The following STYXL1 variants were observed in gnomAD, a reference collection of about 807,000 sequenced individuals.
STYXL1 encodes the protein serine/threonine/tyrosine-interacting-like protein 1.
A neutral mutation model predicts 36.4 loss-of-function variants in STYXL1; 32 were observed. That is an observed-to-expected ratio of 0.88 (90% confidence interval 0.66 to 1.18). The LOEUF (loss-of-function observed/expected upper bound fraction) is 1.18, where lower values mean the gene tolerates loss of function less well. Among genes scored for constraint, STYXL1 ranks in the 50% most tolerant of loss-of-function variants. The pLI, the probability that STYXL1 is intolerant of heterozygous loss-of-function variation, is 0.00. For synonymous variants in STYXL1, 133 were observed against 144.1 expected, an observed-to-expected ratio of 0.92 and a Z score of 0.55; for missense variants, 354 against 394.1, an observed-to-expected ratio of 0.90 and a Z score of 0.86.
chr7:76,031,161 A>AAATAAT (rs200880666), intron 1 of STYXL1, among the ~76,000 whole-genome samples: 1 of 141,960 alleles, frequency 7.0e-6, no homozygotes, highest in Non-Finnish European at 1.5e-5. Flanking sequence ...ACTCTGTCTA[A>AAATAAT]AATAATAATA....
chr7:76,028,014 G>A (rs1033477863), intron 3 of STYXL1, among the ~76,000 whole-genome samples: 6 of 152,134 alleles, frequency 3.9e-5, no homozygotes, highest in East Asian at 1.9e-4. Flanking sequence ...GCTGAGCGGC[G>A]TAGGATTGCT....
At chr7:76,033,047 C>T (rs1478062432) in intron 1 of STYXL1, among the ~76,000 whole-genome samples, 1 of 152,166 alleles carries the variant, frequency 6.6e-6, no homozygotes. Flanking sequence ...GAGCTAGGCT[C>T]GGGCTCCAGT....
intron 1 of STYXL1, chr7:76,044,550 G>T (rs1796767312): frequency 6.6e-6 from 1 of 152,040 alleles, no homozygotes; most frequent in South Asian, 2.1e-4. Flanking sequence ...GACTTGGGAG[G>T]GATGTGGAGG....
chr7:75,996,686 G>A, intron 8 of STYXL1, 87 bp from the exon 9 acceptor site: 4 of 1,353,258 alleles, frequency 3.0e-6, no homozygotes, highest in Non-Finnish European at 4.1e-6. Context: ...GAGACAGGAG[G>A]CACTTGCACA....
intron 1 of STYXL1, among the ~76,000 whole-genome samples, chr7:76,032,657 G>A (rs1001030789): frequency 6.6e-5 from 10 of 152,134 alleles, no homozygotes; most frequent in African/African-American, 2.4e-4. Flanking sequence ...AGCTGAGACT[G>A]CACTACTGCA....
At chr7:75,999,975 CCCA>C in intron 8 of STYXL1, among the ~76,000 whole-genome samples, 1 of 151,992 alleles carries the variant, frequency 6.6e-6, no homozygotes, top group African/African-American at 2.4e-5. Flanking sequence ...CCACCCATCC[CCCA>C]CCACCACCCC....
chr7:76,030,143 G>A (rs947107419), intron 2 of STYXL1, among the ~76,000 whole-genome samples: 7 of 152,228 alleles, frequency 4.6e-5, no homozygotes, highest in Admixed American at 1.3e-4. Context: ...TGGGATTACA[G>A]GCATGCACCA....
intron 4 of STYXL1, 76 bp downstream of exon 4, chr7:76,021,775 T>G: frequency 4.5e-6 from 5 of 1,099,718 alleles, no homozygotes; most frequent in Non-Finnish European, 6.9e-6. Flanking sequence ...CATGGGCATA[T>G]GAACCTGTTG....
chr7:76,033,187 C>G (rs1795560218), intron 1 of STYXL1, among the ~76,000 whole-genome samples: 1 of 152,136 alleles, frequency 6.6e-6, no homozygotes, highest in Non-Finnish European at 1.5e-5. Flanking sequence ...TTTCTGTCAT[C>G]CAGGCTTGAG....
intron 1 of STYXL1, among the ~76,000 whole-genome samples, chr7:76,038,629 T>C (rs1796180550): frequency 6.6e-6 from 1 of 151,672 alleles, no homozygotes; most frequent in African/African-American, 2.4e-5. Flanking sequence ...GGTTTCACCG[T>C]GTTAGCCAGG....
rs200743256 is a variant in STYXL1 at position 76,005,377 on chromosome 7, T to C, written c.481A>G (p.Ile161Val). 13 of 1,613,062 alleles carry C rather than the reference T, an allele frequency of 8.1e-6. No homozygotes were observed. Among genetic ancestry groups the C allele is most frequent in the Non-Finnish European group, 1.0e-5 (12 of 1,179,384 alleles). The change falls in exon 6 of 9, where the codon ATT becomes GTT. Residue 161 changes from isoleucine to valine, a missense_variant. Transcript: ENST00000359697. ...QELDAFQPYP[I>V]EIVPGKVFVG... The stretch of plus-strand genomic sequence containing the variant: ...AAGACCTTCCCTGGCACGATTTCAA[T>C]GGGGTATGGCTGAAATGCATCCAGT...
rs782742797 is a variant in STYXL1 at position 76,013,325 on chromosome 7, CA to C, written c.453+416del. Among the ~76,000 whole-genome samples, 67 of 80,692 alleles carry C rather than the reference CA, an allele frequency of 8.3e-4. 1 individual carries two copies. Among genetic ancestry groups the C allele is most frequent in the East Asian group, 3.5e-3 (11 of 3,126 alleles). 52.9% of individuals were successfully genotyped at this position (80,692 alleles called of 152,430 possible). ...TGGGCGACAGAGCGAGACTCCGTCT[CA>C]AAAAAAAAAAAAAAAAAGTGGAGGA... On this transcript the variant is annotated intron_variant, in intron 5 of 8. Transcript: ENST00000359697.
rs1042021833 is a variant in STYXL1, at chr7:76,035,918, T to A, written c.-4-5391A>T. On this transcript the variant is annotated intron_variant, in intron 1 of 8. Transcript: ENST00000359697. ...GCACTCTACCTGGTCAAGCAGGAACTGCCCCTCATCCACTGGTAAAGTGCT... is the reference window on the plus strand; with the variant it reads ...GCACTCTACCTGGTCAAGCAGGAACAGCCCCTCATCCACTGGTAAAGTGCT... Among the ~76,000 whole-genome samples, 6 of 149,876 alleles carry A rather than the reference T, an allele frequency of 4.0e-5. 1 individual carries two copies. In the Admixed American group the frequency reaches 4.0e-4, roughly 10 times the overall value.
In STYXL1 at chr7:75,996,518, T is replaced by C; in HGVS notation, c.892A>G (p.Lys298Glu). The change falls in exon 9 of 9, where the codon AAG (lysine) becomes GAG (glutamate). Residue 298 changes from lysine (K) to glutamate (E), a missense_variant. Physicochemically the swap from Lys to Glu is moderately conservative, Grantham distance 56. Coordinates refer to ENST00000359697, the MANE Select transcript of STYXL1 (RefSeq NM_001317785.2). ...GLVSQLLEWE[K>E]TILGDSITNI... Reference sequence around the variant, plus strand: ...GTGATGGAATCTCCAAGGATAGTCTTCTCCCATTCCAGCAGCTGGCTCACC... The same window carrying C: ...GTGATGGAATCTCCAAGGATAGTCTCCTCCCATTCCAGCAGCTGGCTCACC... 1 of 1,614,218 alleles carries C rather than the reference T, an allele frequency of 6.2e-7. No individual in the cohort carries two copies. The highest frequency in any genetic ancestry group is 8.5e-7 in the Non-Finnish European group (1 of 1,180,040).
At position 75,996,603 on chromosome 7, in the gene STYXL1, T is replaced by C. The variant is rs1161990391; in HGVS notation, c.811-4A>G. On this transcript the variant is annotated splice_region_variant and splice_polypyrimidine_tract_variant and intron_variant, in intron 8 of 8. Coordinates refer to ENST00000359697, the MANE Select transcript of STYXL1 (RefSeq NM_001317785.2). ...TCTTGACATAGGCCCAGGACCTCTA[T>C]GAATACAAAGAGAGAAAGTGAACTT... 2 of 1,613,928 alleles carry C rather than the reference T, an allele frequency of 1.2e-6. No individual in the cohort carries two copies. The highest frequency in any genetic ancestry group is 2.7e-5 in the African/African-American group (2 of 74,932).
At chr7:76,038,532 T>A (rs2116447896) in intron 1 of STYXL1, among the ~76,000 whole-genome samples, 1 of 146,666 alleles carries the variant, frequency 6.8e-6, no homozygotes, top group East Asian at 2.1e-4. Flanking sequence ...TTCCCGCCAT[T>A]CTCCTGCCTC....
chr7:75,996,631 C>A, intron 8 of STYXL1, 32 bp from the exon 9 acceptor site: 1 of 1,609,892 alleles, frequency 6.2e-7, no homozygotes, highest in Non-Finnish European at 8.5e-7. Flanking sequence ...GTGAACTTCA[C>A]GATTGGTCCT....
rs782024429 is a variant in STYXL1 at position 76,013,828 on chromosome 7, G to T, written c.367C>A (p.Pro123Thr). 4.3e-5 allele frequency: 69 copies of T among 1,613,918 alleles called. No homozygotes were observed. The highest frequency in any genetic ancestry group is 5.7e-5 in the Non-Finnish European group (67 of 1,180,014). Residue 123 changes from proline to threonine, a missense_variant, in exon 5 of 9, where the codon CCC (proline) becomes ACC (threonine). By Grantham distance (38) the Pro-to-Thr change is conservative. Coordinates refer to ENST00000359697, the MANE Select transcript of STYXL1 (RefSeq NM_001317785.2). ...TAGCCCCCTTTCAGGATGTAGACGG[G>T]GTGGTGGGTGAGGCGGGTCAGGATC... ...GRILTRLTHH[P>T]VYILKGGYER...
chr7:76,002,727 C>A (rs930415319), intron 7 of STYXL1, among the ~76,000 whole-genome samples: 2 of 151,948 alleles, frequency 1.3e-5, no homozygotes, highest in Admixed American at 1.3e-4. Context: ...AGTTCAAGAC[C>A]AGTTTGGGCA....
Sources: gnomAD v4.1 joint callset for allele counts (sites outside exome capture counted in the v4.1 genomes callset) on GRCh38, gnomAD v4.1.1 for gene constraint, MANE v1.5 for transcripts, NCBI Gene and HGNC (gene_info 2026-07-23, HGNC 2026-07-21) for gene names.